The following EML4 variants were observed in gnomAD, a reference collection of about 807,000 sequenced individuals.
The protein encoded by EML4 is echinoderm microtubule-associated protein-like 4.
EML4 carries 72 observed loss-of-function variants against 129.0 expected under a neutral mutation model. The observed-to-expected ratio is 0.56, with a 90% CI of 0.46 to 0.68. The LOEUF is 0.68. EML4 is among the 30% of genes least tolerant of loss of function. The pLI is 0.00. For missense variants in EML4, 1,363 were observed against 1,190.6 expected (o/e 1.14, Z -2.13); for synonymous variants, 532 against 405.0 (o/e 1.31, Z -3.77).
At chr2:42,273,921 CTGAAT>C (rs1374689338) in intron 6 of EML4, among the ~76,000 whole-genome samples, 3 of 152,106 alleles carry the variant, frequency 2.0e-5, no homozygotes, top group Non-Finnish European at 4.4e-5. Flanking sequence ...TTTTAAAATA[CTGAAT>C]TATAACCAGA....
intron 21 of EML4, among the ~76,000 whole-genome samples, chr2:42,327,831 A>G (rs1235524235): frequency 6.6e-6 from 1 of 152,218 alleles, no homozygotes; most frequent in African/African-American, 2.4e-5. Flanking sequence ...ACAAAAATTA[A>G]TATTTTCTCT....
At chr2:42,284,752 G>T (rs115545344) in intron 9 of EML4, 49 bp downstream of exon 9, 28 of 1,367,762 alleles carry the variant, frequency 2.0e-5, no homozygotes, top group Non-Finnish European at 2.7e-5. Context: ...ATTGCTGTTA[G>T]AGTGGAATCT....
chr2:42,267,692 A>T (rs912087375), intron 6 of EML4, among the ~76,000 whole-genome samples: 1 of 152,178 alleles, frequency 6.6e-6, no homozygotes, highest in African/African-American at 2.4e-5. Flanking sequence ...GTGAAATGAG[A>T]TGTACGCAGG....
chr2:42,199,960 G>T (rs1444607716), intron 1 of EML4, among the ~76,000 whole-genome samples: 1 of 151,988 alleles, frequency 6.6e-6, no homozygotes, highest in Non-Finnish European at 1.5e-5. Context: ...TTTGACATTG[G>T]ATCATTCCTT....
chr2:42,327,975 C>G lies in EML4; in HGVS notation c.2342-911C>G, dbSNP rs576454053. Among the ~76,000 whole-genome samples, 8 of 152,264 alleles carry G rather than the reference C, an allele frequency of 5.3e-5. No homozygotes were observed. The South Asian group carries it at 1.7e-3, about 32-fold the overall frequency. On this transcript the variant is annotated intron_variant, in intron 21 of 22. Transcript: ENST00000318522. ...GTTCTAAACACAAGTGCTATCAAGACAGAGAAGCCTAATAGGCCAGGAAGG... is the reference window on the plus strand; with the variant it reads ...GTTCTAAACACAAGTGCTATCAAGAGAGAGAAGCCTAATAGGCCAGGAAGG...
intron 1 of EML4, among the ~76,000 whole-genome samples, chr2:42,192,121 T>TC (rs1671619916): frequency 1.2e-5 from 1 of 82,626 alleles, no homozygotes; most frequent in South Asian, 3.5e-4. Context: ...GGAAACTGTC[T>TC]CAAAAAAAAA....
chr2:42,323,312 A>G (rs1421894856), intron 19 of EML4, among the ~76,000 whole-genome samples: 1 of 152,214 alleles, frequency 6.6e-6, no homozygotes, highest in East Asian at 1.9e-4. Flanking sequence ...CTCAGAAAAT[A>G]GCCAACATCC....
At position 42,295,372 on chromosome 2, in the gene EML4, T is replaced by G. The variant is rs1254776935; in HGVS notation, c.1354-9T>G. ...AAGAAAACTGAAAATTTTTATTGTT[T>G]CCTTGTAGAAATATGAAAAGCCAAA... On this transcript the variant is annotated splice_polypyrimidine_tract_variant and intron_variant, in intron 12 of 22. Coordinates refer to ENST00000318522, the MANE Select transcript of EML4 (RefSeq NM_019063.5). 3 of 1,605,686 alleles carry G rather than the reference T, an allele frequency of 1.9e-6. No individual in the cohort carries two copies. The highest frequency in any genetic ancestry group is 2.5e-6 in the Non-Finnish European group (3 of 1,178,078).
At chr2:42,188,969 A>G (rs915051824) in intron 1 of EML4, among the ~76,000 whole-genome samples, 3 of 152,310 alleles carry the variant, frequency 2.0e-5, no homozygotes, top group South Asian at 2.1e-4. Context: ...AAAATCAGTA[A>G]AAAGAGCATG....
chr2:42,281,239 A>C (rs1666987584), intron 7 of EML4, among the ~76,000 whole-genome samples: 1 of 152,028 alleles, frequency 6.6e-6, no homozygotes, highest in African/African-American at 2.4e-5. Flanking sequence ...TAAAGATACA[A>C]AAAATTAGCC....
intron 6 of EML4, among the ~76,000 whole-genome samples, chr2:42,269,863 A>T (rs1666271523): frequency 6.6e-6 from 1 of 152,178 alleles, no homozygotes; most frequent in Non-Finnish European, 1.5e-5. Context: ...TTCATGAGGT[A>T]CCTCATGCAG....
At chr2:42,191,876 G>A (rs908108690) in intron 1 of EML4, among the ~76,000 whole-genome samples, 3 of 152,072 alleles carry the variant, frequency 2.0e-5, no homozygotes, top group African/African-American at 7.2e-5. Flanking sequence ...GGGCACGGTG[G>A]CTCACACCTG....
intron 13 of EML4, among the ~76,000 whole-genome samples, chr2:42,300,835 C>A (rs1668241510): frequency 6.6e-6 from 1 of 152,118 alleles, no homozygotes; most frequent in South Asian, 2.1e-4. Context: ...GTGGTATCCC[C>A]TAAGCTGCTC....
intron 1 of EML4, among the ~76,000 whole-genome samples, chr2:42,242,709 T>TTTCTC (rs1675117561): frequency 1.3e-5 from 2 of 151,468 alleles, no homozygotes; most frequent in African/African-American, 2.4e-5. Context: ...TTTCTTTTCT[T>TTTCTC]TCCTTTTCTT....
intron 11 of EML4, among the ~76,000 whole-genome samples, chr2:42,294,465 G>A (rs1667832602): frequency 1.3e-5 from 2 of 152,216 alleles, no homozygotes; most frequent in Non-Finnish European, 1.5e-5. Flanking sequence ...GGAGGCTGAG[G>A]TGGGCGGATG....
At chr2:42,190,529 A>C (rs1671524802) in intron 1 of EML4, among the ~76,000 whole-genome samples, 1 of 152,190 alleles carries the variant, frequency 6.6e-6, no homozygotes, top group African/African-American at 2.4e-5. Context: ...GACTTAGATG[A>C]ATTAGATGAG....
chr2:42,216,608 A>T (rs1267666662), intron 1 of EML4, among the ~76,000 whole-genome samples: 1 of 152,136 alleles, frequency 6.6e-6, no homozygotes, highest in Non-Finnish European at 1.5e-5. Context: ...TCTCATTAAT[A>T]TGTTACCTGT....
intron 11 of EML4, among the ~76,000 whole-genome samples, chr2:42,291,144 T>C (rs1422470138): frequency 1.3e-5 from 2 of 152,156 alleles, no homozygotes; most frequent in Admixed American, 1.3e-4. Context: ...CGCAGAATAA[T>C]GTTTTCAGTG....
At chr2:42,295,734 C>G (rs1362189299) in intron 13 of EML4, among the ~76,000 whole-genome samples, 2 of 152,080 alleles carry the variant, frequency 1.3e-5, no homozygotes, top group East Asian at 3.8e-4. Flanking sequence ...CTATACTGAA[C>G]CATTCCCTTT....
Sources: allele counts gnomAD v4.1 joint callset (sites outside exome capture counted in the v4.1 genomes callset), GRCh38; gene constraint gnomAD v4.1.1; transcripts MANE v1.5; gene names NCBI Gene and HGNC (gene_info 2026-07-23, HGNC 2026-07-21).